Variants in IFIT1 observed in about 807,000 individuals in gnomAD.
The protein encoded by IFIT1 is antiviral innate immune response effector IFIT1.
IFIT1 carries 1 observed loss-of-function variant against 2.5 expected under a neutral mutation model. That is an observed-to-expected ratio of 0.40 (90% confidence interval 0.14 to 1.92). IFIT1 has a LOEUF of 1.92. Among genes scored for constraint, IFIT1 ranks in the 40% most tolerant of loss-of-function variants. The pLI is 0.31. For synonymous variants in IFIT1, 191 were observed against 201.7 expected, an observed-to-expected ratio of 0.95 and a Z score of 0.45; for missense variants, 508 against 557.8, an observed-to-expected ratio of 0.91 and a Z score of 0.90.
Position 89,392,669 on chromosome 10 carries a change from G to A in IFIT1, c.-44G>A, listed in dbSNP as rs754080671. 4 of 1,612,912 alleles carry A rather than the reference G, an allele frequency of 2.5e-6. No homozygotes were observed. Among genetic ancestry groups the A allele is most frequent in the Non-Finnish European group, 3.4e-6 (4 of 1,178,928 alleles). ...AATAGCCAGATCTCAGAGGAGCCTG[G>A]CTAAGCAAAACCCTGCAGAACGGCT... On this transcript the variant is annotated 5_prime_UTR_variant, in exon 1 of 2. Transcript: ENST00000371804.
At position 89,402,607 on chromosome 10, in the gene IFIT1, T is replaced by C; in HGVS notation, c.332T>C (p.Leu111Pro). 20 of 1,614,228 alleles carry C rather than the reference T, an allele frequency of 1.2e-5. No homozygotes were observed. The highest frequency in any genetic ancestry group is 1.6e-5 in the Non-Finnish European group (19 of 1,180,034). Residue 111 changes from leucine (L) to proline (P), a missense_variant, in exon 2 of 2, where the codon CTG (leucine) becomes CCG (proline). Leu to Pro is a moderately conservative substitution (Grantham distance 98, BLOSUM62 -3). Transcript: ENST00000371804. ...TGGATGTATTACCACATGGGCAGAC[T>C]GGCAGAAGCCCAGACTTACCTGGAC... ...FAWMYYHMGR[L>P]AEAQTYLDKV...
rs1844444600 is a variant in IFIT1, at chr10:89,402,494, G to A, written c.219G>A (p.Lys73=). Residue 73 remains lysine (K), a synonymous_variant, in exon 2 of 2, where the codon AAG becomes AAA. Coordinates refer to ENST00000371804, the MANE Select transcript of IFIT1 (RefSeq NM_001548.5). ...HLKGQNEEAL[K]SLKEAENLMQ... Reference sequence around the variant, plus strand: ...AAGGCCAGAATGAGGAAGCCCTGAAGAGCTTAAAAGAAGCTGAAAACTTAA... The same window carrying A: ...AAGGCCAGAATGAGGAAGCCCTGAAAAGCTTAAAAGAAGCTGAAAACTTAA... 6.2e-7 allele frequency: 1 copy of A among 1,614,080 alleles called. No homozygotes were observed. The highest frequency in any genetic ancestry group is 1.7e-5 in the Admixed American group (1 of 60,002).
rs992150215 is a variant in IFIT1 at position 89,404,675 on chromosome 10, G to T, written c.*963G>T. 6 of 152,274 alleles carry T rather than the reference G, an allele frequency of 3.9e-5. No individual in the cohort carries two copies. The highest frequency in any genetic ancestry group is 1.2e-4 in the African/African-American group (5 of 41,436). 9.4% of individuals were successfully genotyped at this position (152,274 alleles called of 1,614,324 possible). ...TCCCAGGCTGCAGGTTGCAGGAGAG[G>T]AGGCTGCAGTGGCTCACGCCTGTAA... On this transcript the variant is annotated 3_prime_UTR_variant, in exon 2 of 2. Coordinates refer to ENST00000371804, the MANE Select transcript of IFIT1 (RefSeq NM_001548.5).
At chr10:89,401,105 C>A (rs919669294) in intron 1 of IFIT1, among the ~76,000 whole-genome samples, 2 of 150,720 alleles carry the variant, frequency 1.3e-5, no homozygotes, top group African/African-American at 4.9e-5. Context: ...ATATGAAAGT[C>A]TCCATTTAGA....
At chr10:89,397,757 G>C (rs1240427900) in intron 1 of IFIT1, among the ~76,000 whole-genome samples, 1 of 152,056 alleles carries the variant, frequency 6.6e-6, no homozygotes, top group Non-Finnish European at 1.5e-5. Context: ...CCAGTGGTCT[G>C]TTGAACTATA....
chr10:89,394,696 T>G (rs1171395499), intron 1 of IFIT1, among the ~76,000 whole-genome samples: 1 of 149,706 alleles, frequency 6.7e-6, no homozygotes, highest in Non-Finnish European at 1.5e-5. Flanking sequence ...AAAATAAAAT[T>G]TATCATTTTA....
chr10:89,399,996 C>T (rs1311379637), intron 1 of IFIT1, among the ~76,000 whole-genome samples: 5 of 152,272 alleles, frequency 3.3e-5, no homozygotes, highest in African/African-American at 4.8e-5. Context: ...CTTCTAGCCT[C>T]GAGAACTGTA....
chr10:89,404,527 A>C lies in IFIT1; in HGVS notation c.*815A>C, dbSNP rs1430642234. 1 of 152,260 alleles carries C rather than the reference A, an allele frequency of 6.6e-6. No homozygotes were observed. The highest frequency in any genetic ancestry group is 1.5e-5 in the Non-Finnish European group (1 of 68,062). 9.4% of individuals were successfully genotyped at this position (152,260 alleles called of 1,614,324 possible). On this transcript the variant is annotated 3_prime_UTR_variant, in exon 2 of 2. Transcript: ENST00000371804. ...ACTATTGTGTGACTGCCCCTCATGA[A>C]TATTCATAGCCCCCCATAACCTGTT...
intron 1 of IFIT1, chr10:89,393,384 T>C: frequency 1.0e-6 from 1 of 989,190 alleles, no homozygotes; most frequent in Non-Finnish European, 1.3e-6. Context: ...CTTGGGAAGA[T>C]CCGTATCTTC....
intron 1 of IFIT1, among the ~76,000 whole-genome samples, chr10:89,399,160 T>C (rs1308661880): frequency 1.3e-5 from 2 of 152,162 alleles, no homozygotes; most frequent in Non-Finnish European, 2.9e-5. Context: ...TTATTGGCCA[T>C]TTGTATATTT....
chr10:89,404,879 T>C lies in IFIT1; in HGVS notation c.*1167T>C, dbSNP rs935557916. 10 of 151,942 alleles carry C rather than the reference T, an allele frequency of 6.6e-5. No homozygotes were observed. The highest frequency in any genetic ancestry group is 2.4e-4 in the African/African-American group (10 of 41,306). 9.4% of individuals were successfully genotyped at this position (151,942 alleles called of 1,614,324 possible). A position where few individuals can be genotyped will look rare whatever the true frequency, so the allele number is the denominator to read the frequency against. ...CAGGAGGCTGAGGTGAGTGGACTGC[T>C]GGAGCCAGGGAGTTCGAGGCTGCAG... On this transcript the variant is annotated 3_prime_UTR_variant, in exon 2 of 2. Transcript: ENST00000371804.
At chr10:89,392,851 C>A in intron 1 of IFIT1, 134 bp downstream of exon 1, 1 of 890,576 alleles carries the variant, frequency 1.1e-6, no homozygotes. Context: ...TGCTTATGGA[C>A]TGAATGTGTG....
chr10:89,405,455 T>G lies in IFIT1; in HGVS notation c.*1743T>G, dbSNP rs1212965016. On this transcript the variant is annotated 3_prime_UTR_variant, in exon 2 of 2. Coordinates refer to ENST00000371804, the MANE Select transcript of IFIT1 (RefSeq NM_001548.5). The stretch of plus-strand genomic sequence containing the variant: ...GTTTTGGGGGGAATATACTAGTTTC[T>G]TTTAGTGGCTGTAACAAATTACCAC... 1 of 152,248 alleles carries G rather than the reference T, an allele frequency of 6.6e-6. No homozygotes were observed. Among genetic ancestry groups the G allele is most frequent in the Admixed American group, 6.5e-5 (1 of 15,290 alleles). The allele number at this position is 152,248 out of a possible 1,614,324, so 9.4% of individuals were successfully genotyped here. A position where few individuals can be genotyped will look rare whatever the true frequency, so the allele number is the denominator to read the frequency against.
chr10:89,395,328 C>G (rs745901504), intron 1 of IFIT1, among the ~76,000 whole-genome samples: 1 of 152,148 alleles, frequency 6.6e-6, no homozygotes, highest in Non-Finnish European at 1.5e-5. Flanking sequence ...ACGCCCTGGC[C>G]TCCCATAAAG....
chr10:89,395,720 G>C (rs934462345), intron 1 of IFIT1, among the ~76,000 whole-genome samples: 1 of 152,022 alleles, frequency 6.6e-6, no homozygotes, highest in African/African-American at 2.4e-5. Flanking sequence ...CCCAAGAAAG[G>C]CACATTGTAA....
chr10:89,394,708 T>C (rs1844316029), intron 1 of IFIT1, among the ~76,000 whole-genome samples: 1 of 151,194 alleles, frequency 6.6e-6, no homozygotes, highest in Admixed American at 6.6e-5. Flanking sequence ...ATCATTTTAA[T>C]TACTTTAAAG....
rs190225721 is a variant in IFIT1, at chr10:89,393,266, C to A, written c.5+549C>A. 15 of 1,289,710 alleles carry A rather than the reference C, an allele frequency of 1.2e-5. No homozygotes were observed. In the East Asian group the frequency reaches 7.8e-4, roughly 67 times the overall value. 79.9% of individuals were successfully genotyped at this position (1,289,710 alleles called of 1,614,324 possible). A position where few individuals can be genotyped will look rare whatever the true frequency, so the allele number is the denominator to read the frequency against. Reference sequence around the variant, plus strand: ...GTCTCACTTTCTGCACTGCTGGCCTCTTACAACAGGTTTTCGCAATCAGGC... The same window carrying A: ...GTCTCACTTTCTGCACTGCTGGCCTATTACAACAGGTTTTCGCAATCAGGC... On this transcript the variant is annotated intron_variant, in intron 1 of 1. Transcript: ENST00000371804.
At chr10:89,393,513 G>A (rs1297306467) in intron 1 of IFIT1, among the ~76,000 whole-genome samples, 1 of 152,148 alleles carries the variant, frequency 6.6e-6, no homozygotes, top group Non-Finnish European at 1.5e-5. Context: ...TGAGCAGATC[G>A]CCTGAGGTCA....
At chr10:89,393,911 T>C (rs1228369872) in intron 1 of IFIT1, among the ~76,000 whole-genome samples, 3 of 152,206 alleles carry the variant, frequency 2.0e-5, no homozygotes, top group Non-Finnish European at 4.4e-5. Context: ...ATAATAATAA[T>C]ATTAAATGTT....
Sources: gnomAD v4.1 joint callset for allele counts (sites outside exome capture counted in the v4.1 genomes callset) on GRCh38, gnomAD v4.1.1 for gene constraint, MANE v1.5 for transcripts, NCBI Gene and HGNC (gene_info 2026-07-23, HGNC 2026-07-21) for gene names.